The following FKTN variants were observed in gnomAD, a reference collection of about 807,000 sequenced individuals.
FKTN encodes the protein fukutin, also known as ribitol-5-phosphate transferase FKTN.
A neutral mutation model predicts 58.6 loss-of-function variants in FKTN; 47 were observed. The ratio of observed to expected loss-of-function variants is 0.80; its 90% CI spans 0.63 to 1.02. The LOEUF is 1.02. Among genes scored for constraint, FKTN ranks in the 50% least tolerant of loss-of-function variants. FKTN has a pLI of 0.00. For missense variants in FKTN, 516 were observed against 537.3 expected (o/e 0.96, Z 0.39); for synonymous variants, 178 against 191.9 (o/e 0.93, Z 0.60).
At position 105,575,073 on chromosome 9, in the gene FKTN, CG is replaced by C. The variant is rs1309132512; in HGVS notation, c.42del (p.Leu15Ter). ...AAGAACGTGGTTTTGGCCCTTTTAACGCTGACAAGTTCTGCATTTCTGCTGT... is the reference window on the plus strand; with the variant it reads ...AAGAACGTGGTTTTGGCCCTTTTAACCTGACAAGTTCTGCATTTCTGCTGT... ...INKNVVLALLTLTSSAFLLFQ... is the reference protein window; with the variant it reads ...INKNVVLALLXLTSSAFLLFQ... On this transcript the variant is annotated frameshift_variant, in exon 3 of 11. Transcript: ENST00000357998. LOFTEE classifies it high-confidence loss of function. 4 of 1,611,964 alleles carry C rather than the reference CG, an allele frequency of 2.5e-6. No individual in the cohort carries two copies. The highest frequency in any genetic ancestry group is 2.5e-6 in the Non-Finnish European group (3 of 1,178,276).
chr9:105,563,598 TG>T (rs145267923), intron 1 of FKTN, among the ~76,000 whole-genome samples: 38,733 of 138,914 alleles, frequency 0.28, 5,560 homozygotes, highest in East Asian at 0.65. Flanking sequence ...GCAGCGAGGC[TG>T]GGGGGGGGGG....
chr9:105,571,602 A>G (rs1267697995), intron 1 of FKTN, among the ~76,000 whole-genome samples: 2 of 152,190 alleles, frequency 1.3e-5, no homozygotes, highest in Non-Finnish European at 2.9e-5. Context: ...AGGCAGGCCT[A>G]TTATGTGTTC....
intron 3 of FKTN, among the ~76,000 whole-genome samples, chr9:105,593,256 C>T (rs1845233266): frequency 6.6e-6 from 1 of 152,124 alleles, no homozygotes; most frequent in Non-Finnish European, 1.5e-5. Flanking sequence ...GTGCTACAGT[C>T]TTTTAAACAG....
At chr9:105,561,407 A>G (rs1275361366) in intron 1 of FKTN, among the ~76,000 whole-genome samples, 1 of 152,228 alleles carries the variant, frequency 6.6e-6, no homozygotes, top group Non-Finnish European at 1.5e-5. Flanking sequence ...AAAAAAACTT[A>G]GTTTTTTTCT....
chr9:105,624,377 C>T (rs1229552275), intron 10 of FKTN: 2 of 152,104 alleles, frequency 1.3e-5, no homozygotes, highest in Non-Finnish European at 2.9e-5. Flanking sequence ...CCTTTAATCC[C>T]AGCACTTCGG....
At chr9:105,599,168 G>A (rs914848934) in intron 4 of FKTN, among the ~76,000 whole-genome samples, 2 of 152,008 alleles carry the variant, frequency 1.3e-5, no homozygotes, top group African/African-American at 4.8e-5. Flanking sequence ...TTTATTCCTG[G>A]TTTGCTGAAA....
At chr9:105,562,994 G>A (rs1838579583) in intron 1 of FKTN, among the ~76,000 whole-genome samples, 1 of 152,082 alleles carries the variant, frequency 6.6e-6, no homozygotes, top group African/African-American at 2.4e-5. Context: ...CATCTCTCTT[G>A]ATATATCATT....
Position 105,595,643 on chromosome 9 carries a change from T to C in FKTN, c.106-955T>C, listed in dbSNP as rs886250420. Among the ~76,000 whole-genome samples the C allele has an allele frequency of 5.9e-5, 9 of 152,314 alleles. No individual in the cohort carries two copies. The South Asian group carries it at 1.7e-3, about 28-fold the overall frequency. On this transcript the variant is annotated intron_variant, in intron 3 of 10. Transcript: ENST00000357998. ...TCCATCCCTTCCTCTCCCCTTCCAATTAACAAACCTTTACTAAGCTATAAA... is the reference window on the plus strand; with the variant it reads ...TCCATCCCTTCCTCTCCCCTTCCAACTAACAAACCTTTACTAAGCTATAAA...
intron 3 of FKTN, among the ~76,000 whole-genome samples, chr9:105,586,781 C>T (rs1046034069): frequency 6.6e-6 from 1 of 152,168 alleles, no homozygotes; most frequent in Non-Finnish European, 1.5e-5. Context: ...TGATAACTAT[C>T]AGTAGCTTAC....
chr9:105,612,553 GATATTTTTAA>G (rs1830130695), intron 7 of FKTN, among the ~76,000 whole-genome samples: 1 of 152,030 alleles, frequency 6.6e-6, no homozygotes, highest in Non-Finnish European at 1.5e-5. Context: ...TCTTGTACAG[GATATTTTTAA>G]ATGAAAAAAG....
At chr9:105,573,081 A>G (rs571001430) in intron 1 of FKTN, among the ~76,000 whole-genome samples, 8 of 152,096 alleles carry the variant, frequency 5.3e-5, no homozygotes, top group Non-Finnish European at 1.2e-4. Flanking sequence ...CTAAATATAC[A>G]AAAATTAGCC....
rs144359641 is a variant in FKTN, at chr9:105,623,287, T to C, written c.1172+3226T>C. ...CCAATCAATATGCCAAGCTTTTATA[T>C]GTGTTATCTTATTTAATCCTCACAA... On this transcript the variant is annotated intron_variant, in intron 10 of 10. Coordinates refer to ENST00000357998, the MANE Select transcript of FKTN (RefSeq NM_001079802.2). The C allele has an allele frequency of 3.9e-5, 6 of 152,318 alleles. No individual in the cohort carries two copies. The East Asian group carries it at 9.6e-4, about 24-fold the overall frequency. The allele number at this position is 152,318 out of a possible 1,614,324, so 9.4% of individuals were successfully genotyped here.
At chr9:105,569,687 T>TA (rs1440495185) in intron 1 of FKTN, among the ~76,000 whole-genome samples, 1 of 152,216 alleles carries the variant, frequency 6.6e-6, no homozygotes, top group Non-Finnish European at 1.5e-5. Flanking sequence ...CATCTAAGAA[T>TA]AATTCTGTGT....
intron 1 of FKTN, among the ~76,000 whole-genome samples, chr9:105,559,031 G>A (rs1468589094): frequency 1.3e-5 from 2 of 152,174 alleles, no homozygotes; most frequent in Admixed American, 1.3e-4. Flanking sequence ...AAGGAACCGG[G>A]GAAATGCCGA....
At chr9:105,574,882 G>A in intron 2 of FKTN, 63 bp from the exon 3 acceptor site, 3 of 651,754 alleles carry the variant, frequency 4.6e-6, no homozygotes, top group Non-Finnish European at 5.6e-6. Flanking sequence ...TCTATTGTTG[G>A]TTATTACAGG....
At chr9:105,621,938 A>G in intron 10 of FKTN, among the ~76,000 whole-genome samples, 1 of 152,050 alleles carries the variant, frequency 6.6e-6, no homozygotes, top group Non-Finnish European at 1.5e-5. Context: ...AAAGTATTAG[A>G]CTCAAATTTT....
In FKTN at chr9:105,578,907, A is replaced by G. The variant is rs367927122; in HGVS notation, c.105+3770A>G. Among the ~76,000 whole-genome samples, 1,022 of 152,018 alleles carry G rather than the reference A, an allele frequency of 6.7e-3. 13 individuals carry two copies. The highest frequency in any genetic ancestry group is 0.023 in the African/African-American group (945 of 41,376). On this transcript the variant is annotated intron_variant, in intron 3 of 10. Coordinates refer to ENST00000357998, the MANE Select transcript of FKTN (RefSeq NM_001079802.2). ...TCCTGGTTTAGTCTTGGGAGAGTGT[A>G]TGTGTCAAGGAATTTATCCATTTCT...
chr9:105,563,646 G>A (rs1838771053), intron 1 of FKTN, among the ~76,000 whole-genome samples: 1 of 152,184 alleles, frequency 6.6e-6, no homozygotes, highest in Non-Finnish European at 1.5e-5. Flanking sequence ...GATAAACAGA[G>A]GGGCCGGGAA....
intron 1 of FKTN, among the ~76,000 whole-genome samples, chr9:105,569,760 G>A (rs1840412511): frequency 6.6e-6 from 1 of 151,740 alleles, no homozygotes; most frequent in Non-Finnish European, 1.5e-5. Context: ...AAGATTATTG[G>A]GCTACTTAAA....
Sources: gnomAD v4.1 joint callset for allele counts (sites outside exome capture counted in the v4.1 genomes callset) on GRCh38, gnomAD v4.1.1 for gene constraint, MANE v1.5 for transcripts, NCBI Gene and HGNC (gene_info 2026-07-23, HGNC 2026-07-21) for gene names.